The following DPP6 variants were observed in gnomAD, a reference collection of about 807,000 sequenced individuals.
DPP6 encodes dipeptidyl peptidase like 6.
In DPP6, 69 loss-of-function variants were observed where a neutral mutation model predicts 122.6. The ratio of observed to expected loss-of-function variants is 0.56; its 90% CI spans 0.46 to 0.69. The LOEUF is 0.69. Ranked by LOEUF, DPP6 falls within the 30% of genes least tolerant of loss-of-function variation. The pLI is 0.00. For missense variants in DPP6, 928 were observed against 1,116.9 expected, an observed-to-expected ratio of 0.83 and a Z score of 2.41; for synonymous variants, 418 against 433.1, an observed-to-expected ratio of 0.97 and a Z score of 0.43.
chr7:154,791,526 T>C (rs1042013416), intron 10 of DPP6, among the ~76,000 whole-genome samples: 1 of 152,146 alleles, frequency 6.6e-6, no homozygotes, highest in African/African-American at 2.4e-5. Context: ...CATGATTCAA[T>C]TGTCTACACC....
the DPP6 span, among the ~76,000 whole-genome samples, chr7:153,790,518 T>C: frequency 6.6e-6 from 1 of 152,184 alleles, no homozygotes; most frequent in Non-Finnish European, 1.5e-5. Context: ...TTAAGTCTCC[T>C]AAGAGAAGAC....
At chr7:153,886,745 C>T (rs543648159), upstream of DPP6, among the ~76,000 whole-genome samples, 16 of 152,290 alleles carry the variant, frequency 1.1e-4, no homozygotes, top group East Asian at 2.7e-3. Context: ...TAACCTGTTA[C>T]AACATTATTT....
chr7:153,771,225 G>A, the DPP6 span, among the ~76,000 whole-genome samples: 1 of 152,176 alleles, frequency 6.6e-6, no homozygotes, highest in East Asian at 1.9e-4. Flanking sequence ...ATATGAGAAG[G>A]TCCCAAAGGC....
intron 1 of DPP6, among the ~76,000 whole-genome samples, chr7:154,134,443 T>C (rs1306866643): frequency 6.6e-6 from 1 of 152,052 alleles, no homozygotes; most frequent in Non-Finnish European, 1.5e-5. Context: ...GAAGAAGACA[T>C]GGCGGGGACA....
At chr7:154,518,480 T>C (rs1826714314) in intron 3 of DPP6, among the ~76,000 whole-genome samples, 1 of 152,212 alleles carries the variant, frequency 6.6e-6, no homozygotes, top group Non-Finnish European at 1.5e-5. Context: ...CCAGTGTCCA[T>C]GCCCAGGTGA....
intron 1 of DPP6, among the ~76,000 whole-genome samples, chr7:154,249,915 A>G (rs1175259486): frequency 6.6e-6 from 1 of 152,182 alleles, no homozygotes; most frequent in African/African-American, 2.4e-5. Flanking sequence ...GTAAAAACTA[A>G]AAGGCAGAAA....
At chr7:154,488,201 G>A (rs1011375788) in intron 3 of DPP6, among the ~76,000 whole-genome samples, 6 of 152,104 alleles carry the variant, frequency 3.9e-5, no homozygotes, top group Admixed American at 2.0e-4. Flanking sequence ...ACACGTGGGC[G>A]GGGCGGGACG....
At chr7:154,453,409 A>G (rs901186804) in intron 2 of DPP6, among the ~76,000 whole-genome samples, 5 of 152,150 alleles carry the variant, frequency 3.3e-5, no homozygotes, top group African/African-American at 1.2e-4. Flanking sequence ...TTAAAATGTC[A>G]TCACTGTTTA....
chr7:154,121,002 G>A (rs1196909682), intron 1 of DPP6, among the ~76,000 whole-genome samples: 10 of 152,134 alleles, frequency 6.6e-5, no homozygotes, highest in Admixed American at 6.5e-4. Context: ...TGCTGTTCTT[G>A]TGGCAATGAG....
chr7:154,383,521 A>G (rs1175310278), intron 1 of DPP6, among the ~76,000 whole-genome samples: 2 of 152,254 alleles, frequency 1.3e-5, no homozygotes, highest in African/African-American at 4.8e-5. Flanking sequence ...AGAAAGTAAC[A>G]TGCATTGTCA....
At chr7:154,336,521 A>G (rs1412690790) in intron 1 of DPP6, among the ~76,000 whole-genome samples, 3 of 152,186 alleles carry the variant, frequency 2.0e-5, no homozygotes, top group Admixed American at 6.5e-5. Context: ...GTACCATAGG[A>G]CAGGGCTTCC....
intron 1 of DPP6, among the ~76,000 whole-genome samples, chr7:154,385,594 C>G (rs1020186617): frequency 6.6e-5 from 10 of 152,150 alleles, no homozygotes; most frequent in African/African-American, 2.4e-4. Context: ...AATATTCCCT[C>G]GTGGGTTGTC....
chr7:154,746,420 G>A (rs1295778014), intron 8 of DPP6, among the ~76,000 whole-genome samples: 1 of 152,118 alleles, frequency 6.6e-6, no homozygotes, highest in Non-Finnish European at 1.5e-5. Flanking sequence ...ATGAGGTGGG[G>A]ACTTGTTGAC....
At chr7:154,808,346 C>T (rs1439578960) in intron 16 of DPP6, among the ~76,000 whole-genome samples, 4 of 152,134 alleles carry the variant, frequency 2.6e-5, no homozygotes, top group African/African-American at 7.2e-5. Flanking sequence ...AAGCTCAGCC[C>T]CTGACATTCT....
intron 1 of DPP6, among the ~76,000 whole-genome samples, chr7:154,364,839 A>G (rs939091310): frequency 2.0e-5 from 3 of 152,242 alleles, no homozygotes; most frequent in African/African-American, 7.2e-5. Context: ...GAACCGGCAC[A>G]GTAGTTGTCA....
intron 1 of DPP6, among the ~76,000 whole-genome samples, chr7:153,932,948 GT>G (rs1442441767): frequency 6.6e-6 from 1 of 152,088 alleles, no homozygotes; most frequent in Non-Finnish European, 1.5e-5. Context: ...TGCTATTCTT[GT>G]GGTAGTGAAT....
In DPP6 at chr7:154,229,384, C is replaced by A. The variant is rs531671923; in HGVS notation, c.243+176321C>A. Among the ~76,000 whole-genome samples the A allele has an allele frequency of 7.2e-5, 11 of 152,310 alleles. No individual in the cohort carries two copies. The South Asian group carries it at 2.1e-3, about 29-fold the overall frequency. ...AGCTCTGCTCTTGTCTGCAGCTAAT[C>A]TGAGTGCAAGGGTTTTGGCACCCAT... On this transcript the variant is annotated intron_variant, in intron 1 of 25. Transcript: ENST00000377770.
At chr7:154,581,351 A>T (rs1832055092) in intron 5 of DPP6, among the ~76,000 whole-genome samples, 1 of 152,014 alleles carries the variant, frequency 6.6e-6, no homozygotes, top group African/African-American at 2.4e-5. Context: ...GACAGAGGGG[A>T]CAGGAAGAAG....
intron 1 of DPP6, among the ~76,000 whole-genome samples, chr7:154,189,669 G>A (rs1023571250): frequency 6.6e-6 from 1 of 152,132 alleles, no homozygotes; most frequent in African/African-American, 2.4e-5. Context: ...ATTCTCATTA[G>A]CCAGTTCTCC....
Sources: allele counts gnomAD v4.1 joint callset (sites outside exome capture counted in the v4.1 genomes callset), GRCh38; gene constraint gnomAD v4.1.1; transcripts MANE v1.5; gene names NCBI Gene and HGNC (gene_info 2026-07-23, HGNC 2026-07-21).